SAMD4A: variants seen among roughly 807,000 people sequenced by gnomAD.
SAMD4A encodes the protein protein Smaug homolog 1.
SAMD4A carries 33 observed loss-of-function variants against 81.3 expected under a neutral mutation model. The ratio of observed to expected loss-of-function variants is 0.41; its 90% confidence interval spans 0.31 to 0.54. The LOEUF (loss-of-function observed/expected upper bound fraction) is 0.54. SAMD4A is among the 20% of genes least tolerant of loss of function. SAMD4A has a pLI of 0.37. For missense variants in SAMD4A, 854 were observed against 951.1 expected, an observed-to-expected ratio of 0.90 and a Z score of 1.34; for synonymous variants, 389 against 382.1, an observed-to-expected ratio of 1.02 and a Z score of -0.21.
chr14:54,609,191 C>A (rs76517184), intron 2 of SAMD4A, among the ~76,000 whole-genome samples: 6,747 of 152,148 alleles, frequency 0.044, 158 homozygotes, highest in Non-Finnish European at 0.062. Context: ...GTAATCACAG[C>A]GCCTTTATAA....
In SAMD4A at chr14:54,789,174, G is replaced by A. The variant is rs1437699038; in HGVS notation, c.*230G>A. 6 of 562,486 alleles carry A rather than the reference G, an allele frequency of 1.1e-5. No homozygotes were observed. In the Admixed American group the frequency reaches 1.7e-4, roughly 16 times the overall value. The allele number at this position is 562,486 out of a possible 1,614,324, so 34.8% of individuals were successfully genotyped here. A position where few individuals can be genotyped will look rare whatever the true frequency, so the allele number is the denominator to read the frequency against. ...TTTCTGTCATGGGATGGTTTGGTGT[G>A]TGGGGTGGGGAGGGGTCTCTAGGGA... On this transcript the variant is annotated 3_prime_UTR_variant, in exon 13 of 13. Transcript: ENST00000554335.
At position 54,789,010 on chromosome 14, in the gene SAMD4A, C is replaced by T; in HGVS notation, c.*66C>T. On this transcript the variant is annotated 3_prime_UTR_variant, in exon 13 of 13. Transcript: ENST00000554335. ...CTGCTGCGGGTCCAGTGTCCGCCAT[C>T]TTCAGGGTTGCACAGAATCCTCCAA... 1.9e-6 allele frequency: 3 copies of T among 1,552,368 alleles called. No homozygotes were observed. Among genetic ancestry groups the T allele is most frequent in the Non-Finnish European group, 1.8e-6 (2 of 1,123,924 alleles).
intron 2 of SAMD4A, among the ~76,000 whole-genome samples, chr14:54,572,122 G>GTT (rs1472392215): frequency 6.6e-6 from 1 of 152,140 alleles, no homozygotes; most frequent in African/African-American, 2.4e-5. Context: ...AAATGTAAAG[G>GTT]TAACTTAACT....
chr14:54,776,526 T>C lies in SAMD4A; in HGVS notation c.2030T>C (p.Met677Thr), dbSNP rs886868545. The C allele has an allele frequency of 3.2e-6, 5 of 1,571,036 alleles. No homozygotes were observed. The highest frequency in any genetic ancestry group is 1.9e-5 in the Admixed American group (1 of 53,672). ...CACACTTCCCCACAGAACATGCTGATGTTCCAGCAGCCAGGTAGGGCCCGG... is the reference window on the plus strand; with the variant it reads ...CACACTTCCCCACAGAACATGCTGACGTTCCAGCAGCCAGGTAGGGCCCGG... Reference protein sequence around the residue: ...PVHTSPQNMLMFQQPEFQLPV... With the variant: ...PVHTSPQNMLTFQQPEFQLPV... The change falls in exon 11 of 13, where the codon ATG becomes ACG. Residue 677 changes from methionine to threonine, a missense_variant. Around this residue, in one of 3 missense-constraint regions of SAMD4A, gnomAD observed 428 missense variants for 471.2 expected, o/e 0.91. Transcript: ENST00000554335.
At chr14:54,723,530 A>G (rs1566604277) in intron 3 of SAMD4A, among the ~76,000 whole-genome samples, 1 of 152,210 alleles carries the variant, frequency 6.6e-6, no homozygotes, top group Admixed American at 6.5e-5. Context: ...CACCTCCTCA[A>G]AAACTTTCAT....
intron 8 of SAMD4A, among the ~76,000 whole-genome samples, chr14:54,766,119 C>T (rs899964259): frequency 1.3e-5 from 2 of 152,124 alleles, no homozygotes; most frequent in Non-Finnish European, 2.9e-5. Flanking sequence ...CTAGAGCACC[C>T]AGGCATTGTC....
chr14:54,601,061 G>A (rs759951079), intron 2 of SAMD4A, among the ~76,000 whole-genome samples: 6 of 152,070 alleles, frequency 3.9e-5, no homozygotes, highest in Non-Finnish European at 8.8e-5. Context: ...TTCATGGAGG[G>A]GACTATGCCA....
At chr14:54,668,483 G>A (rs2035801779) in intron 2 of SAMD4A, among the ~76,000 whole-genome samples, 1 of 152,178 alleles carries the variant, frequency 6.6e-6, no homozygotes, top group South Asian at 2.1e-4. Context: ...GCCACAGAGG[G>A]GTTAATGACA....
rs891562468 is a variant in SAMD4A, at chr14:54,793,088, TGTAAAA to T, written c.*4146_*4151del. ...ATATGGAAAGAGCATGTTTGTTACA[TGTAAAA>T]GCTTTACTGATATACAGATATACTA... is the stretch of plus-strand genomic sequence containing the variant. On this transcript the variant is annotated 3_prime_UTR_variant, in exon 13 of 13. Transcript: ENST00000554335. 1 of 152,180 alleles carries T rather than the reference TGTAAAA, an allele frequency of 6.6e-6. No individual in the cohort carries two copies. The highest frequency in any genetic ancestry group is 2.4e-5 in the African/African-American group (1 of 41,464). The allele number at this position is 152,180 out of a possible 1,614,324, so 9.4% of individuals were successfully genotyped here. A position where few individuals can be genotyped will look rare whatever the true frequency, so the allele number is the denominator to read the frequency against.
intron 2 of SAMD4A, among the ~76,000 whole-genome samples, chr14:54,655,294 C>T (rs2035494519): frequency 2.0e-5 from 3 of 152,188 alleles, no homozygotes; most frequent in Non-Finnish European, 1.5e-5. Flanking sequence ...AATTACGGCA[C>T]ACACTTTCCT....
At chr14:54,786,898 G>C (rs1279138432) in intron 12 of SAMD4A, among the ~76,000 whole-genome samples, 1 of 152,150 alleles carries the variant, frequency 6.6e-6, no homozygotes, top group Non-Finnish European at 1.5e-5. Flanking sequence ...CTTTTTTAGT[G>C]CTGTGTTTTT....
Position 54,737,083 on chromosome 14 carries a change from A to T in SAMD4A, c.775A>T (p.Met259Leu). The T allele has an allele frequency of 1.2e-6, 2 of 1,614,008 alleles. No individual in the cohort carries two copies. Among genetic ancestry groups the T allele is most frequent in the Non-Finnish European group, 1.7e-6 (2 of 1,179,988 alleles). Residue 259 changes from methionine (M) to leucine (L), a missense_variant, in exon 4 of 13, where the codon ATG becomes TTG. Physicochemically the swap from Met to Leu is conservative, Grantham distance 15. This residue lies in a region of SAMD4A where 387 missense variants were observed against 405.8 expected (regional missense o/e 0.95). Coordinates refer to ENST00000554335, the MANE Select transcript of SAMD4A (RefSeq NM_015589.6). ...ACGATCTGTGTCCCTTACCCCACCC[A>T]TGAATGTGCCAAACCAGCCTCTAGG... ...LKRSVSLTPP[M>L]NVPNQPLGHG...
At chr14:54,568,727 AT>A (rs2033035694) in intron 2 of SAMD4A, among the ~76,000 whole-genome samples, 9 of 131,062 alleles carry the variant, frequency 6.9e-5, no homozygotes, top group Non-Finnish European at 6.6e-5. Context: ...ATATATATAT[AT>A]ATATATATAT....
intron 2 of SAMD4A, among the ~76,000 whole-genome samples, chr14:54,599,889 T>G (rs2034009527): frequency 6.6e-6 from 1 of 152,202 alleles, no homozygotes. Context: ...CTTTTCTTCT[T>G]AAAACACTGA....
intron 4 of SAMD4A, among the ~76,000 whole-genome samples, chr14:54,739,038 T>A (rs763745102): frequency 1.4e-5 from 2 of 145,430 alleles, no homozygotes; most frequent in African/African-American, 5.2e-5. Context: ...TTTACTTTGT[T>A]TTCTTTCTTT....
intron 2 of SAMD4A, among the ~76,000 whole-genome samples, chr14:54,696,656 T>C (rs901484966): frequency 3.3e-5 from 5 of 152,230 alleles, no homozygotes; most frequent in South Asian, 2.1e-4. Flanking sequence ...AGACTTGGTA[T>C]TTAAACACAC....
chr14:54,740,326 G>A (rs1206917974), intron 4 of SAMD4A, among the ~76,000 whole-genome samples: 1 of 152,212 alleles, frequency 6.6e-6, no homozygotes, highest in Non-Finnish European at 1.5e-5. Context: ...TAAAGTACTT[G>A]CTGGTCCACT....
intron 2 of SAMD4A, among the ~76,000 whole-genome samples, chr14:54,578,905 A>C (rs1324217035): frequency 1.3e-5 from 2 of 152,150 alleles, no homozygotes; most frequent in East Asian, 3.9e-4. Flanking sequence ...TTTAAGAAAA[A>C]GCTGTAATGA....
rs1459804193 is a variant in SAMD4A at position 54,748,021 on chromosome 14, AT to A, written c.980-793del. Among the ~76,000 whole-genome samples the A allele has an allele frequency of 2.6e-5, 4 of 152,220 alleles. No individual in the cohort carries two copies. The East Asian group carries it at 7.7e-4, about 29-fold the overall frequency. On this transcript the variant is annotated intron_variant, in intron 4 of 12. Transcript: ENST00000554335. ...ATCTCAGACTTGGGGGTTATTTCAG[AT>A]GCACTTTAGAACTTCCATTATCCTA... is the stretch of plus-strand genomic sequence containing the variant.
Sources: allele counts gnomAD v4.1 joint callset (sites outside exome capture counted in the v4.1 genomes callset), GRCh38; gene constraint gnomAD v4.1.1; regional missense constraint gnomAD v4.1.1; transcripts MANE v1.5; gene names NCBI Gene and HGNC (gene_info 2026-07-23, HGNC 2026-07-21).